EPB41L3: variants seen among roughly 807,000 people sequenced by gnomAD.
EPB41L3 encodes the protein erythrocyte membrane protein band 4.1 like 3.
In EPB41L3, 57 loss-of-function variants were observed where a neutral mutation model predicts 127.1. The ratio of observed to expected loss-of-function variants is 0.45; its 90% confidence interval spans 0.36 to 0.56. The LOEUF is 0.56. Ranked by LOEUF, EPB41L3 falls within the 20% of genes least tolerant of loss-of-function variation. The pLI, the probability that EPB41L3 is intolerant of heterozygous loss-of-function variation, is 0.00. For synonymous variants in EPB41L3, 572 were observed against 549.5 expected, an observed-to-expected ratio of 1.04 and a Z score of -0.57; for missense variants, 1,273 against 1,372.2, an observed-to-expected ratio of 0.93 and a Z score of 1.14.
At chr18:5,624,945 G>A (rs1026541978) in intron 1 of EPB41L3, among the ~76,000 whole-genome samples, 3 of 152,138 alleles carry the variant, frequency 2.0e-5, no homozygotes, top group South Asian at 2.1e-4. Context: ...GGATTTCAAG[G>A]TGAAGAAAGG....
Position 5,434,280 on chromosome 18 carries a change from A to G in EPB41L3, c.606-159T>C, listed in dbSNP as rs998670387. On this transcript the variant is annotated intron_variant, in intron 6 of 22. Coordinates refer to ENST00000341928, the MANE Select transcript of EPB41L3 (RefSeq NM_012307.5). ...ATATATTTTGATATTTACTTCATAC[A>G]TACTTGTTCTAGATAGAAGGGAAAA... Among the ~76,000 whole-genome samples, 10 of 152,230 alleles carry G rather than the reference A, an allele frequency of 6.6e-5. No individual in the cohort carries two copies. In the East Asian group the frequency reaches 1.3e-3, roughly 21 times the overall value.
chr18:5,580,782 G>A (rs931331494), intron 3 of EPB41L3, among the ~76,000 whole-genome samples: 17 of 152,088 alleles, frequency 1.1e-4, no homozygotes, highest in East Asian at 9.6e-4. Flanking sequence ...TTCCTGCTTC[G>A]TCTCCCTCCA....
intron 1 of EPB41L3, among the ~76,000 whole-genome samples, chr18:5,507,262 G>A (rs2092269710): frequency 6.6e-6 from 1 of 151,974 alleles, no homozygotes; most frequent in Non-Finnish European, 1.5e-5. Flanking sequence ...GCAATCAATC[G>A]ATATTTAAAA....
At chr18:5,467,811 G>A (rs939325834) in intron 3 of EPB41L3, among the ~76,000 whole-genome samples, 4 of 152,068 alleles carry the variant, frequency 2.6e-5, no homozygotes, top group Non-Finnish European at 5.9e-5. Flanking sequence ...TGGAGTGGCC[G>A]CTGCCATGAC....
At chr18:5,585,158 A>G (rs2094431394) in intron 3 of EPB41L3, among the ~76,000 whole-genome samples, 1 of 152,170 alleles carries the variant, frequency 6.6e-6, no homozygotes, top group African/African-American at 2.4e-5. Context: ...GAGTTCTTCC[A>G]ATTTTTCTGA....
At chr18:5,580,167 T>C (rs1344979788) in intron 3 of EPB41L3, among the ~76,000 whole-genome samples, 1 of 152,184 alleles carries the variant, frequency 6.6e-6, no homozygotes, top group African/African-American at 2.4e-5. Flanking sequence ...CATTTATGGA[T>C]AAATACATAT....
chr18:5,428,414 T>G lies in EPB41L3; in HGVS notation c.964A>C (p.Ile322Leu). 3 of 1,614,216 alleles carry G rather than the reference T, an allele frequency of 1.9e-6. No homozygotes were observed. Among genetic ancestry groups the G allele is most frequent in the Non-Finnish European group, 2.5e-6 (3 of 1,180,036 alleles). The change falls in exon 9 of 23, where the codon ATA becomes CTA. Residue 322 changes from isoleucine to leucine, a missense_variant. Transcript: ENST00000341928. ...TTTATTCGCAGCCGGTCGCGATATA[T>G]CAACAGACCACTTGCACAAACTCCT... ...MLGVCASGLL[I>L]YRDRLRINRF...
At chr18:5,522,995 G>C (rs2093059089) in intron 1 of EPB41L3, among the ~76,000 whole-genome samples, 1 of 152,136 alleles carries the variant, frequency 6.6e-6, no homozygotes, top group African/African-American at 2.4e-5. Flanking sequence ...TATATGTAGA[G>C]AGTACATAAA....
At chr18:5,527,122 C>T (rs2093251299) in intron 1 of EPB41L3, among the ~76,000 whole-genome samples, 1 of 151,914 alleles carries the variant, frequency 6.6e-6, no homozygotes, top group Non-Finnish European at 1.5e-5. Flanking sequence ...AGTGTTCATT[C>T]TTAAGGGGGA....
chr18:5,560,947 ATTTATTTATTT>A (rs2094117533), intron 3 of EPB41L3, among the ~76,000 whole-genome samples: 2 of 7,388 alleles, frequency 2.7e-4, no homozygotes, highest in Non-Finnish European at 6.0e-4. Context: ...GTAATTATTT[ATTTATTTATTT>A]ATTTATTTAT....
chr18:5,514,777 G>A (rs1441876472), intron 1 of EPB41L3, among the ~76,000 whole-genome samples: 1 of 152,164 alleles, frequency 6.6e-6, no homozygotes, highest in African/African-American at 2.4e-5. Flanking sequence ...CACTCCATAT[G>A]TTTCTGACAA....
chr18:5,491,913 T>C (rs1269226877), intron 1 of EPB41L3, among the ~76,000 whole-genome samples: 1 of 152,218 alleles, frequency 6.6e-6, no homozygotes, highest in African/African-American at 2.4e-5. Context: ...CCAGTATGGA[T>C]GGCCTAGATC....
At chr18:5,418,442 G>A (rs2077075371) in intron 12 of EPB41L3, among the ~76,000 whole-genome samples, 1 of 152,148 alleles carries the variant, frequency 6.6e-6, no homozygotes, top group South Asian at 2.1e-4. Context: ...TCTTATGTTG[G>A]CATGGCGAGT....
chr18:5,568,767 C>G (rs1161023435), intron 3 of EPB41L3, among the ~76,000 whole-genome samples: 1 of 152,190 alleles, frequency 6.6e-6, no homozygotes, highest in Non-Finnish European at 1.5e-5. Context: ...AGACCCCTAA[C>G]TTTCCGAATT....
intron 8 of EPB41L3, 120 bp from the exon 9 acceptor site, chr18:5,428,585 G>C: frequency 8.8e-7 from 1 of 1,135,640 alleles, no homozygotes; most frequent in Non-Finnish European, 1.3e-6. Context: ...TATGCAAAAT[G>C]ATGCAGCCAT....
At chr18:5,532,139 G>A (rs920622749) in intron 1 of EPB41L3, among the ~76,000 whole-genome samples, 3 of 152,144 alleles carry the variant, frequency 2.0e-5, no homozygotes, top group South Asian at 2.1e-4. Context: ...CAAAAAGAAA[G>A]ACTTGGTAAA....
At chr18:5,446,633 T>C (rs1042720793) in intron 3 of EPB41L3, among the ~76,000 whole-genome samples, 1 of 152,260 alleles carries the variant, frequency 6.6e-6, no homozygotes, top group African/African-American at 2.4e-5. Flanking sequence ...TGTGTTATAG[T>C]GCAGCTGTAA....
chr18:5,454,208 T>TG (rs1347437697), intron 3 of EPB41L3, among the ~76,000 whole-genome samples: 1 of 148,408 alleles, frequency 6.7e-6, no homozygotes, highest in East Asian at 2.1e-4. Flanking sequence ...TTTGTTTCCT[T>TG]GTTTTTTTTT....
At chr18:5,629,500 A>G (rs1049909785), upstream of EPB41L3, among the ~76,000 whole-genome samples, 39 of 152,128 alleles carry the variant, frequency 2.6e-4, no homozygotes, top group African/African-American at 9.4e-4. Context: ...GGTCAGAGCC[A>G]CTGTCCACTT....
Sources: allele counts gnomAD v4.1 joint callset (sites outside exome capture counted in the v4.1 genomes callset), GRCh38; gene constraint gnomAD v4.1.1; transcripts MANE v1.5; gene names NCBI Gene and HGNC (gene_info 2026-07-23, HGNC 2026-07-21).